Variants in ARHGAP26 observed in about 807,000 individuals in gnomAD.
ARHGAP26 encodes the protein rho GTPase-activating protein 26.
In ARHGAP26, 38 loss-of-function variants were observed where a neutral mutation model predicts 104.8. The observed-to-expected ratio is 0.36, with a 90% CI of 0.28 to 0.48. The LOEUF (loss-of-function observed/expected upper bound fraction) is 0.48, where lower values mean the gene tolerates loss of function less well. ARHGAP26 is among the 20% of genes least tolerant of loss of function. The pLI, the probability that ARHGAP26 is intolerant of heterozygous loss-of-function variation, is 0.99. For synonymous variants in ARHGAP26, 341 were observed against 340.0 expected (o/e 1.00, Z -0.03); for missense variants, 704 against 947.9 (o/e 0.74, Z 3.38).
intron 11 of ARHGAP26, among the ~76,000 whole-genome samples, chr5:142,944,002 C>T (rs546058716): frequency 6.6e-6 from 1 of 152,238 alleles, no homozygotes; most frequent in South Asian, 2.1e-4. Context: ...GTGGGGGTTC[C>T]TGTGAGTCTC....
intron 17 of ARHGAP26, among the ~76,000 whole-genome samples, chr5:143,100,438 A>G (rs1297484531): frequency 6.6e-6 from 1 of 152,248 alleles, no homozygotes; most frequent in African/African-American, 2.4e-5. Flanking sequence ...TCCTGGTAAC[A>G]CTAGCAAGTT....
At chr5:143,151,179 CT>C (rs1799796579) in intron 20 of ARHGAP26, among the ~76,000 whole-genome samples, 1 of 152,282 alleles carries the variant, frequency 6.6e-6, no homozygotes, top group South Asian at 2.1e-4. Context: ...TGATTCACGT[CT>C]TATGTCTTCA....
At chr5:143,022,182 C>G (rs1254704537) in intron 12 of ARHGAP26, among the ~76,000 whole-genome samples, 1 of 152,204 alleles carries the variant, frequency 6.6e-6, no homozygotes. Flanking sequence ...GGTGATTCTC[C>G]TGCCTCAACC....
intron 17 of ARHGAP26, among the ~76,000 whole-genome samples, chr5:143,107,498 C>T (rs1387803987): frequency 6.6e-6 from 1 of 152,218 alleles, no homozygotes; most frequent in Non-Finnish European, 1.5e-5. Context: ...GCTTGGCCTT[C>T]TTCACCCACC....
intron 1 of ARHGAP26, among the ~76,000 whole-genome samples, chr5:142,792,766 C>G (rs780177829): frequency 6.6e-6 from 1 of 152,154 alleles, no homozygotes; most frequent in Non-Finnish European, 1.5e-5. Context: ...AAATCCTGGA[C>G]CTGAAACGTA....
chr5:142,883,806 C>T (rs1376941255), intron 4 of ARHGAP26, among the ~76,000 whole-genome samples: 1 of 152,200 alleles, frequency 6.6e-6, no homozygotes, highest in African/African-American at 2.4e-5. Context: ...TCCTTTGTAG[C>T]ACTTGCAGCA....
At chr5:142,858,094 T>TGTGTGTGTGTGTGTGTGA (rs1424264346) in intron 1 of ARHGAP26, among the ~76,000 whole-genome samples, 3 of 127,252 alleles carry the variant, frequency 2.4e-5, no homozygotes, top group South Asian at 2.6e-4. Flanking sequence ...TGTGTGTGTG[T>TGTGTGTGTGTGTGTGTGA]GAGAGAGAGA....
intron 1 of ARHGAP26, among the ~76,000 whole-genome samples, chr5:142,780,027 A>T (rs1335052825): frequency 6.6e-6 from 1 of 152,124 alleles, no homozygotes; most frequent in Non-Finnish European, 1.5e-5. Flanking sequence ...CCTGATCCCC[A>T]CTTCTTCCTC....
intron 10 of ARHGAP26, among the ~76,000 whole-genome samples, chr5:142,920,907 G>T (rs1432461471): frequency 6.6e-6 from 1 of 152,202 alleles, no homozygotes; most frequent in African/African-American, 2.4e-5. Context: ...TCTTACAGGG[G>T]ACGATGGCAT....
intron 5 of ARHGAP26, among the ~76,000 whole-genome samples, chr5:142,892,989 CTT>C (rs56211069): frequency 2.9e-4 from 31 of 108,008 alleles, no homozygotes; most frequent in East Asian, 9.3e-4. Flanking sequence ...CACCCCCCCG[CTT>C]TTTTTTTTTT....
intron 19 of ARHGAP26, among the ~76,000 whole-genome samples, chr5:143,134,722 A>G (rs1240334871): frequency 2.6e-4 from 40 of 152,362 alleles, no homozygotes; most frequent in Non-Finnish European, 4.1e-4. Context: ...AGTTCTTTGC[A>G]ATGATCAGGT....
intron 3 of ARHGAP26, among the ~76,000 whole-genome samples, chr5:142,876,225 G>A (rs1248948261): frequency 1.3e-5 from 2 of 152,162 alleles, no homozygotes; most frequent in Non-Finnish European, 2.9e-5. Flanking sequence ...GTGCTCTAAA[G>A]TCCTAGGAAA....
intron 17 of ARHGAP26, among the ~76,000 whole-genome samples, chr5:143,117,562 A>G (rs1267200971): frequency 6.6e-6 from 1 of 152,238 alleles, no homozygotes; most frequent in Non-Finnish European, 1.5e-5. Flanking sequence ...AAAGTTTCCT[A>G]AGACTTAGAT....
chr5:142,836,167 G>T (rs542192120), intron 1 of ARHGAP26, among the ~76,000 whole-genome samples: 2 of 152,268 alleles, frequency 1.3e-5, no homozygotes, highest in South Asian at 4.1e-4. Flanking sequence ...CTGGGTCCAG[G>T]CATCCTGGGC....
At chr5:142,948,104 G>A (rs1235637708) in intron 11 of ARHGAP26, among the ~76,000 whole-genome samples, 1 of 152,096 alleles carries the variant, frequency 6.6e-6, no homozygotes, top group Non-Finnish European at 1.5e-5. Flanking sequence ...CTTTTCAGAC[G>A]CGGGCTTTGA....
chr5:143,142,514 G>A (rs1279631286), intron 19 of ARHGAP26, among the ~76,000 whole-genome samples: 2 of 151,770 alleles, frequency 1.3e-5, no homozygotes, highest in African/African-American at 2.4e-5. Context: ...AAAAAACATT[G>A]TCCAAACTGT....
chr5:142,978,272 C>T (rs1334487944), intron 11 of ARHGAP26, among the ~76,000 whole-genome samples: 1 of 152,162 alleles, frequency 6.6e-6, no homozygotes, highest in African/African-American at 2.4e-5. Context: ...CAGTGTTGGC[C>T]TAAATTCATT....
intron 17 of ARHGAP26, among the ~76,000 whole-genome samples, chr5:143,085,641 T>C (rs1562393942): frequency 6.6e-6 from 1 of 152,236 alleles, no homozygotes; most frequent in African/African-American, 2.4e-5. Flanking sequence ...ATTCATGCTG[T>C]CCCTGTCCCA....
At chr5:142,842,967 A>T (rs1771103185) in intron 1 of ARHGAP26, among the ~76,000 whole-genome samples, 1 of 152,226 alleles carries the variant, frequency 6.6e-6, no homozygotes. Context: ...TCTTGTAGGG[A>T]TGTAGGGGAC....
Sources: gnomAD v4.1 joint callset for allele counts (sites outside exome capture counted in the v4.1 genomes callset) on GRCh38, gnomAD v4.1.1 for gene constraint, MANE v1.5 for transcripts, NCBI Gene and HGNC (gene_info 2026-07-23, HGNC 2026-07-21) for gene names.